The following PCDHGB4 variants were observed in gnomAD, a reference collection of about 807,000 sequenced individuals.
The protein encoded by PCDHGB4 is protocadherin gamma subfamily B, 4.
Under a neutral mutation model 60.5 loss-of-function variants are expected in PCDHGB4, and 38 were observed. The ratio of observed to expected loss-of-function variants is 0.63; its 90% confidence interval spans 0.48 to 0.82. The LOEUF is 0.82. Among genes scored for constraint, PCDHGB4 ranks in the 40% least tolerant of loss-of-function variants. The pLI is 0.00. For missense variants in PCDHGB4, 1,109 were observed against 1,209.6 expected (o/e 0.92, Z 1.23); for synonymous variants, 456 against 509.7 (o/e 0.89, Z 1.42).
chr5:141,472,954 C>A (rs2099305799), intron 1 of PCDHGB4, among the ~76,000 whole-genome samples: 1 of 143,370 alleles, frequency 7.0e-6, no homozygotes, highest in Admixed American at 7.3e-5. Flanking sequence ...CCATTGCACT[C>A]CAGCCTGGGG....
rs1018272442 is a variant in PCDHGB4 at position 141,419,770 on chromosome 5, G to T, written c.2397+29489G>T. The stretch of plus-strand genomic sequence containing the variant: ...TGCGTGCTTTGGGTGACAAGGACTC[G>T]GTCCGCCAGCGCCTGCTAGTCGCTG... On this transcript the variant is annotated intron_variant, in intron 1 of 3. Transcript: ENST00000519479. 6.2e-6 allele frequency: 10 copies of T among 1,613,888 alleles called. No homozygotes were observed. The African/African-American group carries it at 1.2e-4, about 19-fold the overall frequency.
At chr5:141,413,381 G>T in intron 1 of PCDHGB4, 2 of 1,613,946 alleles carry the variant, frequency 1.2e-6, no homozygotes, top group Admixed American at 1.7e-5. Context: ...CGCGGAGTCC[G>T]CATAGTCTCC....
intron 1 of PCDHGB4, chr5:141,417,646 C>G: frequency 1.3e-6 from 1 of 797,874 alleles, no homozygotes. Context: ...GATCCCTCAG[C>G]CTCTAGCCTG....
At position 141,410,301 on chromosome 5, in the gene PCDHGB4, C is replaced by A. The variant is rs1294760427; in HGVS notation, c.2397+20020C>A. ...CTGGTGGTGGCCTTGGCCTTAATCT[C>A]AGTGCTCTTCCTCCTCGCCGTGATT... On this transcript the variant is annotated intron_variant, in intron 1 of 3. Transcript: ENST00000519479. 2.5e-6 allele frequency: 4 copies of A among 1,614,030 alleles called. No individual in the cohort carries two copies. In the Admixed American group the frequency reaches 6.7e-5, roughly 27 times the overall value.
In PCDHGB4 at chr5:141,432,866, G is replaced by C. The variant is rs139832920; in HGVS notation, c.2397+42585G>C. 8 of 1,614,152 alleles carry C rather than the reference G, an allele frequency of 5.0e-6. No individual in the cohort carries two copies. Among genetic ancestry groups the C allele is most frequent in the South Asian group, 2.2e-5 (2 of 91,074 alleles). On this transcript the variant is annotated intron_variant, in intron 1 of 3. Coordinates refer to ENST00000519479, the MANE Select transcript of PCDHGB4 (RefSeq NM_003736.4). The surrounding 1 kb of genome is among the most constrained non-coding windows in gnomAD (Gnocchi z 6.0). ...GGTAGCGGTGGCCGCGGTCTCCTGC[G>C]TCTTCCTGGCCTTCGTCATCTTGCT...
intron 1 of PCDHGB4, chr5:141,405,019 T>C (rs2094597771): frequency 6.2e-7 from 1 of 1,613,860 alleles, no homozygotes; most frequent in African/African-American, 1.3e-5. Flanking sequence ...CCTCAGACCT[T>C]ACCCTCTACC....
intron 1 of PCDHGB4, among the ~76,000 whole-genome samples, chr5:141,456,668 T>G (rs2098874996): frequency 1.3e-5 from 2 of 152,254 alleles, no homozygotes; most frequent in Admixed American, 6.5e-5. Context: ...ATGTTTCATT[T>G]AAAAATGCAT....
chr5:141,416,585 A>T (rs2096043494), intron 1 of PCDHGB4: 2 of 152,244 alleles, frequency 1.3e-5, no homozygotes, highest in Non-Finnish European at 2.9e-5. Context: ...GAGGCAAAAT[A>T]AACTTAGAGT....
chr5:141,391,198 C>T (rs2092314570), intron 1 of PCDHGB4: 1 of 152,156 alleles, frequency 6.6e-6, no homozygotes, highest in South Asian at 2.1e-4. Context: ...AAAATATATA[C>T]AAAATACCAA....
intron 1 of PCDHGB4, chr5:141,409,618 G>C: frequency 6.2e-7 from 1 of 1,613,894 alleles, no homozygotes; most frequent in Non-Finnish European, 8.5e-7. Context: ...CCTCCATTGC[G>C]CAAGTGAGCG....
intron 1 of PCDHGB4, chr5:141,478,905 G>T (rs1593970684): frequency 1.1e-6 from 1 of 930,214 alleles, no homozygotes; most frequent in East Asian, 2.7e-5. Flanking sequence ...GGAATAAGCT[G>T]CTGGATACCT....
intron 1 of PCDHGB4, among the ~76,000 whole-genome samples, chr5:141,483,547 G>A (rs1202182188): frequency 6.6e-6 from 1 of 152,140 alleles, no homozygotes. Context: ...GGTTGACAGT[G>A]CCATTCACAG....
chr5:141,406,331 C>T lies in PCDHGB4; in HGVS notation c.2397+16050C>T, dbSNP rs577134835. 6.6e-5 allele frequency among the ~76,000 whole-genome samples: 10 copies of T among 152,002 alleles called. No homozygotes were observed. In the East Asian group the frequency reaches 1.3e-3, roughly 21 times the overall value. ...CTCACCCAGCAAATTCTTACTCCTA[C>T]GATCATTTATTCAGGTCATACTATG... On this transcript the variant is annotated intron_variant, in intron 1 of 3. Coordinates refer to ENST00000519479, the MANE Select transcript of PCDHGB4 (RefSeq NM_003736.4).
At chr5:141,423,173 A>T (rs2096717258) in intron 1 of PCDHGB4, 1 of 1,613,330 alleles carries the variant, frequency 6.2e-7, no homozygotes, top group South Asian at 1.1e-5. Flanking sequence ...GCCGTCCAGG[A>T]CCACGGCCAG....
intron 1 of PCDHGB4, among the ~76,000 whole-genome samples, chr5:141,482,530 C>CAAAAAAAAAAAAAA (rs3074545): frequency 1.2e-4 from 9 of 76,558 alleles, no homozygotes; most frequent in African/African-American, 3.8e-4. Flanking sequence ...GACAGACATG[C>CAAAAAAAAAAAAAA]AAAAAAAAAA....
rs530356030 is a variant in PCDHGB4 at position 141,426,463 on chromosome 5, GATTT to G, written c.2397+36186_2397+36189del. 309 of 318,428 alleles carry G rather than the reference GATTT, an allele frequency of 9.7e-4. 2 individuals are homozygous for G. Among genetic ancestry groups the G allele is most frequent in the Non-Finnish European group, 1.6e-3 (252 of 160,518 alleles). 19.7% of individuals were successfully genotyped at this position (318,428 alleles called of 1,614,324 possible). A position where few individuals can be genotyped will look rare whatever the true frequency, so the allele number is the denominator to read the frequency against. ...GGAGGACATGCGGCTGCATGTTCAGGATTTATTGACCTGAAACCTTAGAGTTAGT... is the reference window on the plus strand; with the variant it reads ...GGAGGACATGCGGCTGCATGTTCAGGATTGACCTGAAACCTTAGAGTTAGT... On this transcript the variant is annotated intron_variant, in intron 1 of 3. Transcript: ENST00000519479.
chr5:141,390,790 G>C (rs2092232072), intron 1 of PCDHGB4: 2 of 166,124 alleles, frequency 1.2e-5, no homozygotes, highest in Admixed American at 1.2e-4. Flanking sequence ...TGTTTCAAAA[G>C]CTCTTAGAAT....
At chr5:141,466,929 T>C (rs2099132302) in intron 1 of PCDHGB4, among the ~76,000 whole-genome samples, 1 of 152,232 alleles carries the variant, frequency 6.6e-6, no homozygotes, top group African/African-American at 2.4e-5. Context: ...TTAGGAATAT[T>C]AGTCCTTTGT....
intron 1 of PCDHGB4, chr5:141,412,735 T>A (rs2095573578): frequency 6.5e-6 from 1 of 153,492 alleles, no homozygotes; most frequent in African/African-American, 2.4e-5. Context: ...GTGTTGCAAA[T>A]ATATATTTAA....
Sources: allele counts gnomAD v4.1 joint callset (sites outside exome capture counted in the v4.1 genomes callset), GRCh38; gene constraint gnomAD v4.1.1; non-coding constraint Gnocchi (gnomAD v3.1); transcripts MANE v1.5; gene names NCBI Gene and HGNC (gene_info 2026-07-23, HGNC 2026-07-21).